Variants in PIDD1 observed in about 807,000 individuals in gnomAD.
The protein encoded by PIDD1 is p53-induced death domain protein 1.
PIDD1 carries 72 observed loss-of-function variants against 80.0 expected under a neutral mutation model. The observed-to-expected ratio is 0.90, with a 90% CI of 0.74 to 1.09. The LOEUF (loss-of-function observed/expected upper bound fraction) is 1.09. Among genes scored for constraint, PIDD1 ranks in the 50% least tolerant of loss-of-function variants. PIDD1 has a pLI of 0.00. For synonymous variants in PIDD1, 655 were observed against 543.5 expected (o/e 1.21, Z -2.85); for missense variants, 1,329 against 1,228.3 (o/e 1.08, Z -1.23).
chr11:803,875 G>T, intron 2 of PIDD1: 1 of 642,136 alleles, frequency 1.6e-6, no homozygotes, highest in South Asian at 2.0e-5. Context: ...CAGCGTCAGG[G>T]TCCAGGAGCC....
In PIDD1 at chr11:799,467, T is replaced by C. The variant is rs1565047823; in HGVS notation, c.2573A>G (p.Glu858Gly). The C allele has an allele frequency of 1.2e-6, 2 of 1,609,566 alleles. No homozygotes were observed. Among genetic ancestry groups the C allele is most frequent in the Admixed American group, 1.7e-5 (1 of 59,992 alleles). ...GAVGLLVQALEQSDRQDVAEE... is the reference protein window; with the variant it reads ...GAVGLLVQALGQSDRQDVAEE... ...AGCCACGTCCTGCCGGTCACTCTGC[T>C]CCAGGGCCTGCACCAGGAGCCCCAC... is the stretch of plus-strand genomic sequence containing the variant. Residue 858 changes from glutamate (E) to glycine (G), a missense_variant, in exon 16 of 16, where the codon GAG becomes GGG. Physicochemically the swap from Glu to Gly is moderately conservative, Grantham distance 98. Coordinates refer to ENST00000347755, the MANE Select transcript of PIDD1 (RefSeq NM_145886.4).
In PIDD1 at chr11:804,341, T is replaced by C. The variant is rs1417807368; in HGVS notation, c.48A>G (p.Ala16=). Residue 16 remains alanine (A), a synonymous_variant, in exon 2 of 16, where the codon GCA becomes GCG. Transcript: ENST00000347755. Reference sequence around the variant, plus strand: ...CGTCCGAATCCTCTGAAGCATCTCCTGCGGCAGCAGCTGCCTCCAGCTCTG... The same window carrying C: ...CGTCCGAATCCTCTGAAGCATCTCCCGCGGCAGCAGCTGCCTCCAGCTCTG... ...EGPELEAAAA[A]GDASEDSDAG... 3 of 1,609,974 alleles carry C rather than the reference T, an allele frequency of 1.9e-6. No individual in the cohort carries two copies. The highest frequency in any genetic ancestry group is 1.7e-6 in the Non-Finnish European group (2 of 1,178,160).
Position 801,327 on chromosome 11 carries a change from C to T in PIDD1, c.1521G>A (p.Leu507=), listed in dbSNP as rs1263734370. Residue 507 remains leucine, a synonymous_variant, in exon 9 of 16, where the codon CTG becomes CTA. Transcript: ENST00000347755. ...RMAGRELQAL[L]GEPEAAVSPL... ...GGCTCACTGCAGCCTCTGGTTCTCC[C>T]AGGAGGGCCTGCAGCTCTCGGCCAG... 2 of 1,608,074 alleles carry T rather than the reference C, an allele frequency of 1.2e-6. No homozygotes were observed. The highest frequency in any genetic ancestry group is 4.5e-5 in the East Asian group (2 of 44,826).
chr11:801,270 G>A lies in PIDD1; in HGVS notation c.1578C>T (p.Pro526=), dbSNP rs369436926. ...GCACGGTGACCGGTTGGAGGAAGCT[G>A]GGGGGACCGCTCTGTGACAGGCACA... ...PLLCLSQSGP[P]SFLQPVTVQL... Residue 526 remains proline (P), a synonymous_variant, in exon 9 of 16, where the codon CCC becomes CCT. Transcript: ENST00000347755. 10 of 1,578,708 alleles carry A rather than the reference G, an allele frequency of 6.3e-6. No individual in the cohort carries two copies. The African/African-American group carries it at 1.1e-4, about 17-fold the overall frequency.
In PIDD1 at chr11:802,245, G is replaced by C. The variant is rs1446711917; in HGVS notation, c.1126C>G (p.Leu376Val). 1 of 1,611,736 alleles carries C rather than the reference G, an allele frequency of 6.2e-7. No homozygotes were observed. The highest frequency in any genetic ancestry group is 1.3e-5 in the African/African-American group (1 of 74,926). The change falls in exon 6 of 16, where the codon CTG becomes GTG. Residue 376 changes from leucine to valine, a missense_variant. By Grantham distance (32) the Leu-to-Val change is conservative. Coordinates refer to ENST00000347755, the MANE Select transcript of PIDD1 (RefSeq NM_145886.4). ...TGCAGCTCCAGCACATGGCTGAGCA[G>C]GGCGTCATGAGGACCCAGGGGGACG... ...GLVPLGPHDA[L>V]LSHVLELQPH...
intron 15 of PIDD1, 71 bp downstream of exon 15, chr11:799,744 A>C: frequency 7.2e-7 from 1 of 1,395,772 alleles, no homozygotes; most frequent in Non-Finnish European, 9.5e-7. Flanking sequence ...TTCTGTCAGA[A>C]TCAGGTGGGC....
chr11:809,158 G>A (rs1051435886), upstream of PIDD1, among the ~76,000 whole-genome samples: 43 of 152,224 alleles, frequency 2.8e-4, no homozygotes, highest in African/African-American at 1.0e-3. Context: ...CCCAGGACCC[G>A]AGAATGTAGC....
In PIDD1 at chr11:803,481, G is replaced by C; in HGVS notation, c.402C>G (p.Phe134Leu). ...AGGCCGGCAGTGTCTCCAGGCTGTT[G>C]AAGCTCAGGTCCAGGTGGGCCAGAT... is the stretch of plus-strand genomic sequence containing the variant. ...LAHLAHLDLS[F>L]NSLETLPACV... Residue 134 changes from phenylalanine to leucine, a missense_variant, in exon 3 of 16, where the codon TTC (phenylalanine) becomes TTG (leucine). Coordinates refer to ENST00000347755, the MANE Select transcript of PIDD1 (RefSeq NM_145886.4). 1 of 1,613,764 alleles carries C rather than the reference G, an allele frequency of 6.2e-7. No homozygotes were observed. The highest frequency in any genetic ancestry group is 8.5e-7 in the Non-Finnish European group (1 of 1,180,018).
chr11:799,459 C>T lies in PIDD1; in HGVS notation c.2581G>A (p.Asp861Asn). 6.2e-7 allele frequency: 1 copy of T among 1,610,084 alleles called. No individual in the cohort carries two copies. Among genetic ancestry groups the T allele is most frequent in the Non-Finnish European group, 8.5e-7 (1 of 1,179,892 alleles). Residue 861 changes from aspartate to asparagine, a missense_variant, in exon 16 of 16, where the codon GAC becomes AAC. Coordinates refer to ENST00000347755, the MANE Select transcript of PIDD1 (RefSeq NM_145886.4). ...ACCTCTTCAGCCACGTCCTGCCGGT[C>T]ACTCTGCTCCAGGGCCTGCACCAGG... is the stretch of plus-strand genomic sequence containing the variant. Reference protein sequence around the residue: ...GLLVQALEQSDRQDVAEEVRA... With the variant: ...GLLVQALEQSNRQDVAEEVRA...
chr11:806,557 C>T (rs929725168), upstream of PIDD1, among the ~76,000 whole-genome samples: 7 of 152,066 alleles, frequency 4.6e-5, no homozygotes, highest in South Asian at 2.1e-4. Context: ...CACCCCAGCC[C>T]CTTCCATGTA....
chr11:805,135 A>G (rs1865694407), intron 1 of PIDD1, 44 bp downstream of exon 1: 1 of 904,732 alleles, frequency 1.1e-6, no homozygotes, highest in Non-Finnish European at 1.3e-6. Context: ...CCAAAAGCAA[A>G]CGTGTCCCCG....
Position 800,754 on chromosome 11 carries a change from G to GC in PIDD1, c.1917+7dup. 6.5e-7 allele frequency: 1 copy of GC among 1,546,332 alleles called. No homozygotes were observed. Among genetic ancestry groups the GC allele is most frequent in the South Asian group, 1.2e-5 (1 of 84,730 alleles). ...ACCACCCTGCTGCCCTCCGGCCCGT[G>GC]CCCCCACCTTGTTTCGGGGCAGGCA... On this transcript the variant is annotated splice_region_variant and intron_variant, in intron 11 of 15. Transcript: ENST00000347755.
rs1482672181 is a variant in PIDD1, at chr11:801,473, G to C, written c.1454C>G (p.Thr485Ser). The stretch of plus-strand genomic sequence containing the variant: ...CATGGAGACTCGACGAGGCTCCTCA[G>C]TGGCCCCAGGGGGGAAGATGACTTT... ...GVKVIFPPGATEEPRRVSMQV... is the reference protein window; with the variant it reads ...GVKVIFPPGASEEPRRVSMQV... Residue 485 changes from threonine (T) to serine (S), a missense_variant, in exon 8 of 16, where the codon ACT (threonine) becomes AGT (serine). Coordinates refer to ENST00000347755, the MANE Select transcript of PIDD1 (RefSeq NM_145886.4). 3 of 1,544,606 alleles carry C rather than the reference G, an allele frequency of 1.9e-6. No individual in the cohort carries two copies. Among genetic ancestry groups the C allele is most frequent in the South Asian group, 2.4e-5 (2 of 81,650 alleles).
chr11:800,026 A>C lies in PIDD1; in HGVS notation c.2275-12T>G. 6.2e-7 allele frequency: 1 copy of C among 1,612,148 alleles called. No individual in the cohort carries two copies. The highest frequency in any genetic ancestry group is 8.5e-7 in the Non-Finnish European group (1 of 1,179,362). On this transcript the variant is annotated splice_polypyrimidine_tract_variant and intron_variant, in intron 14 of 15. Coordinates refer to ENST00000347755, the MANE Select transcript of PIDD1 (RefSeq NM_145886.4). ...GACCCTCGAAGTCTCTGTTGGAAGGAAAAAGTGCATTAAGCCCTGGGCTCC... is the reference window on the plus strand; with the variant it reads ...GACCCTCGAAGTCTCTGTTGGAAGGCAAAAGTGCATTAAGCCCTGGGCTCC...
intron 1 of PIDD1, 61 bp from the exon 2 acceptor site, chr11:804,524 A>T: frequency 7.0e-7 from 1 of 1,422,818 alleles, no homozygotes; most frequent in South Asian, 1.5e-5. Flanking sequence ...TTGGGGAAAC[A>T]GGGACTCTGG....
At chr11:804,606 C>A in intron 1 of PIDD1, 143 bp from the exon 2 acceptor site, 1 of 806,902 alleles carries the variant, frequency 1.2e-6, no homozygotes, top group East Asian at 3.0e-5. Context: ...TGTGGTCACC[C>A]TGAACCCCGG....
At chr11:801,767 G>A in intron 7 of PIDD1, 143 bp from the exon 8 acceptor site, 1 of 888,258 alleles carries the variant, frequency 1.1e-6, no homozygotes, top group Non-Finnish European at 1.7e-6. Context: ...GGACGGGGTG[G>A]GGTGGAAGTT....
In PIDD1 at chr11:803,592, G is replaced by A. The variant is rs778435555; in HGVS notation, c.296-5C>T. On this transcript the variant is annotated splice_region_variant and splice_polypyrimidine_tract_variant and intron_variant, in intron 2 of 15. Coordinates refer to ENST00000347755, the MANE Select transcript of PIDD1 (RefSeq NM_145886.4). The stretch of plus-strand genomic sequence containing the variant: ...GTGTGTCCCGGCGTTGCCCTCCTGG[G>A]AAGGGGGGAGGCGGATGTGGCCCTC... The A allele has an allele frequency of 6.2e-7, 1 of 1,601,426 alleles. No homozygotes were observed. The highest frequency in any genetic ancestry group is 1.1e-5 in the South Asian group (1 of 90,010).
At position 799,587 on chromosome 11, in the gene PIDD1, C is replaced by T. The variant is rs577699546; in HGVS notation, c.2475-22G>A. On this transcript the variant is annotated intron_variant, in intron 15 of 15. Transcript: ENST00000347755. ...ATCCCTGCAGGCAGAGGATGGGCGACAGAGGGGTCCTGTCCACCTGCCCAG... is the reference window on the plus strand; with the variant it reads ...ATCCCTGCAGGCAGAGGATGGGCGATAGAGGGGTCCTGTCCACCTGCCCAG... 1.9e-6 allele frequency: 3 copies of T among 1,575,440 alleles called. No homozygotes were observed. The African/African-American group carries it at 4.0e-5, about 21-fold the overall frequency.
Sources: gnomAD v4.1 joint callset for allele counts (sites outside exome capture counted in the v4.1 genomes callset) on GRCh38, gnomAD v4.1.1 for gene constraint, MANE v1.5 for transcripts, NCBI Gene and HGNC (gene_info 2026-07-23, HGNC 2026-07-21) for gene names.